Variants in ALPK1 observed in about 807,000 individuals in gnomAD.
ALPK1 encodes alpha-protein kinase 1.
ALPK1 carries 110 observed loss-of-function variants against 120.6 expected under a neutral mutation model. The observed-to-expected ratio is 0.91, with a 90% CI of 0.78 to 1.07. The LOEUF (loss-of-function observed/expected upper bound fraction) is 1.07. Among genes scored for constraint, ALPK1 ranks in the 50% least tolerant of loss-of-function variants. The pLI, the probability that ALPK1 is intolerant of heterozygous loss-of-function variation, is 0.00. For missense variants in ALPK1, 1,498 were observed against 1,483.9 expected, an observed-to-expected ratio of 1.01 and a Z score of -0.16; for synonymous variants, 582 against 560.3, an observed-to-expected ratio of 1.04 and a Z score of -0.55.
At chr4:112,342,174 A>G (rs1474387131) in intron 2 of ALPK1, among the ~76,000 whole-genome samples, 2 of 152,230 alleles carry the variant, frequency 1.3e-5, no homozygotes, top group Non-Finnish European at 2.9e-5. Flanking sequence ...TAGAAGGTCC[A>G]CTTGTCCTCC....
rs760316587 is a variant in ALPK1, at chr4:112,441,210, G to A, written c.3735G>A (p.Ter1245=). ...CTGGTTCTCTCCTTCCAGGCACATA[G>A]AATACGGCACAGTCTGGTCCTTTGG... ...TRPSMEKPCT[*] Residue 1245 remains the stop codon, a stop_retained_variant, in exon 16 of 16, where the codon TAG becomes TAA. Coordinates refer to ENST00000650871, the MANE Select transcript of ALPK1 (RefSeq NM_025144.4). 2 of 1,589,800 alleles carry A rather than the reference G, an allele frequency of 1.3e-6. No homozygotes were observed. The highest frequency in any genetic ancestry group is 2.2e-5 in the South Asian group (2 of 90,634).
chr4:112,357,718 T>C, intron 2 of ALPK1: 1 of 1,518,496 alleles, frequency 6.6e-7, no homozygotes, highest in Non-Finnish European at 9.1e-7. Flanking sequence ...CAGACGGTTT[T>C]CCAAGGAGTG....
chr4:112,351,951 G>A (rs1357289757), intron 2 of ALPK1, among the ~76,000 whole-genome samples: 1 of 152,142 alleles, frequency 6.6e-6, no homozygotes, highest in African/African-American at 2.4e-5. Context: ...CTTTGTTCAT[G>A]TCATTCTCCA....
rs1446769992 is a variant in ALPK1 at position 112,416,171 on chromosome 4, A to T, written c.475+4146A>T. On this transcript the variant is annotated intron_variant, in intron 5 of 15. Coordinates refer to ENST00000650871, the MANE Select transcript of ALPK1 (RefSeq NM_025144.4). Reference sequence around the variant, plus strand: ...CAGTAGATCTCTGGTACGGCCTGAGATGCTGCTGTTCTGTGAACCTTGCTT... The same window carrying T: ...CAGTAGATCTCTGGTACGGCCTGAGTTGCTGCTGTTCTGTGAACCTTGCTT... 2.0e-5 allele frequency among the ~76,000 whole-genome samples: 3 copies of T among 152,182 alleles called. No homozygotes were observed. The South Asian group carries it at 6.2e-4, about 31-fold the overall frequency.
At chr4:112,387,481 C>T (rs964106962) in intron 4 of ALPK1, among the ~76,000 whole-genome samples, 7 of 152,178 alleles carry the variant, frequency 4.6e-5, no homozygotes, top group African/African-American at 1.7e-4. Flanking sequence ...TGCCCACTCA[C>T]GGAGATACAA....
chr4:112,440,013 A>T, intron 14 of ALPK1, 141 bp downstream of exon 14: 2 of 752,102 alleles, frequency 2.7e-6, no homozygotes, highest in Non-Finnish European at 4.0e-6. Flanking sequence ...ATCTTACTAT[A>T]TATAGCAAAT....
At chr4:112,310,887 G>A (rs545498840) in intron 1 of ALPK1, among the ~76,000 whole-genome samples, 1 of 152,062 alleles carries the variant, frequency 6.6e-6, no homozygotes, top group Non-Finnish European at 1.5e-5. Context: ...CTGATCCTTG[G>A]TCACTTGCTG....
chr4:112,409,002 C>G (rs1166702054), intron 4 of ALPK1, among the ~76,000 whole-genome samples: 1 of 152,170 alleles, frequency 6.6e-6, no homozygotes, highest in Non-Finnish European at 1.5e-5. Context: ...AAAACATGGA[C>G]TTGCCTTCAG....
chr4:112,299,255 ATGTC>A (rs1727684020), intron 1 of ALPK1, among the ~76,000 whole-genome samples: 1 of 152,112 alleles, frequency 6.6e-6, no homozygotes, highest in Non-Finnish European at 1.5e-5. Context: ...TCATTCTTCT[ATGTC>A]TGAAGAAAAG....
intron 3 of ALPK1, among the ~76,000 whole-genome samples, chr4:112,379,209 G>T (rs1191964336): frequency 6.6e-6 from 1 of 152,164 alleles, no homozygotes; most frequent in East Asian, 1.9e-4. Flanking sequence ...CTCCCAATTG[G>T]GTAGCATTTT....
chr4:112,299,881 C>CTACAG (rs1727710667), intron 1 of ALPK1, among the ~76,000 whole-genome samples: 1 of 152,142 alleles, frequency 6.6e-6, no homozygotes, highest in South Asian at 2.1e-4. Context: ...AGCTTGAATA[C>CTACAG]TACAGGTTCA....
At chr4:112,324,259 G>A (rs972551056) in intron 2 of ALPK1, among the ~76,000 whole-genome samples, 1 of 151,484 alleles carries the variant, frequency 6.6e-6, no homozygotes, top group Admixed American at 6.6e-5. Flanking sequence ...CCTGGGAGGC[G>A]GAGCTTGCAG....
intron 4 of ALPK1, among the ~76,000 whole-genome samples, chr4:112,390,857 G>T (rs1011553903): frequency 2.6e-5 from 4 of 152,166 alleles, no homozygotes; most frequent in Admixed American, 2.6e-4. Flanking sequence ...GCTATTTGTT[G>T]TGCATATTAT....
chr4:112,357,917 A>T, intron 2 of ALPK1: 1 of 1,002,600 alleles, frequency 1.0e-6, no homozygotes, highest in Non-Finnish European at 1.6e-6. Context: ...AGCTTCTCTG[A>T]GACCATGGGT....
intron 2 of ALPK1, among the ~76,000 whole-genome samples, chr4:112,376,729 T>C (rs1450541130): frequency 1.3e-5 from 2 of 152,236 alleles, no homozygotes; most frequent in East Asian, 1.9e-4. Context: ...GCCATCCATA[T>C]ATCTGTTACT....
intron 4 of ALPK1, among the ~76,000 whole-genome samples, chr4:112,407,676 A>T (rs189361396): frequency 2.0e-5 from 3 of 152,320 alleles, no homozygotes; most frequent in African/African-American, 7.2e-5. Flanking sequence ...TATAGACTAG[A>T]TGGTCCTATA....
At chr4:112,303,207 G>A (rs1381810009) in intron 1 of ALPK1, among the ~76,000 whole-genome samples, 1 of 151,884 alleles carries the variant, frequency 6.6e-6, no homozygotes, top group Non-Finnish European at 1.5e-5. Flanking sequence ...GTTCACCTTG[G>A]ATGTACTTAA....
intron 5 of ALPK1, among the ~76,000 whole-genome samples, chr4:112,415,514 G>A (rs931282440): frequency 4.6e-5 from 7 of 151,976 alleles, no homozygotes; most frequent in Non-Finnish European, 8.8e-5. Flanking sequence ...GCAGGCGCAC[G>A]AAATCCCAGC....
intron 2 of ALPK1, among the ~76,000 whole-genome samples, chr4:112,329,596 A>T (rs1483265012): frequency 6.6e-6 from 1 of 152,242 alleles, no homozygotes. Context: ...AGAATTCAGA[A>T]ATTATAAGAT....
Sources: gnomAD v4.1 joint callset for allele counts (sites outside exome capture counted in the v4.1 genomes callset) on GRCh38, gnomAD v4.1.1 for gene constraint, MANE v1.5 for transcripts, NCBI Gene and HGNC (gene_info 2026-07-23, HGNC 2026-07-21) for gene names.